The following AP1S3 variants were observed in gnomAD, a reference collection of about 807,000 sequenced individuals.
AP1S3 encodes the protein adaptor related protein complex 1 subunit sigma 3.
A neutral mutation model predicts 20.9 loss-of-function variants in AP1S3; 10 were observed. The ratio of observed to expected loss-of-function variants is 0.48; its 90% CI spans 0.29 to 0.81. The LOEUF (loss-of-function observed/expected upper bound fraction) is 0.81. Ranked by LOEUF, AP1S3 falls within the 30% of genes least tolerant of loss-of-function variation. The probability of loss-of-function intolerance (pLI) is 0.08; values close to 1 mark genes in which losing one functional copy is unlikely to be tolerated. For synonymous variants in AP1S3, 41 were observed against 61.5 expected (o/e 0.67, Z 1.56); for missense variants, 154 against 183.8 (o/e 0.84, Z 0.94).
chr2:223,795,213 C>T (rs1047343867), intron 1 of AP1S3, among the ~76,000 whole-genome samples: 1 of 152,138 alleles, frequency 6.6e-6, no homozygotes, highest in Non-Finnish European at 1.5e-5. Context: ...TGAGGCACTG[C>T]ACTCCAGCCT....
intron 1 of AP1S3, among the ~76,000 whole-genome samples, chr2:223,794,408 A>G (rs1353357043): frequency 6.6e-6 from 1 of 152,162 alleles, no homozygotes; most frequent in African/African-American, 2.4e-5. Context: ...AGACCCTCCT[A>G]TGGTTTTCTT....
chr2:223,816,971 A>G (rs1691857297), intron 1 of AP1S3, among the ~76,000 whole-genome samples: 1 of 152,110 alleles, frequency 6.6e-6, no homozygotes, highest in Non-Finnish European at 1.5e-5. Context: ...CTAAAAATAC[A>G]AACATTAGCT....
intron 1 of AP1S3, among the ~76,000 whole-genome samples, chr2:223,811,401 C>G (rs1416723250): frequency 6.6e-6 from 1 of 151,936 alleles, no homozygotes; most frequent in Admixed American, 6.6e-5. Flanking sequence ...AACCCCTTCT[C>G]TACTAAAAAT....
chr2:223,812,773 C>T lies in AP1S3; in HGVS notation c.3+24675G>A, dbSNP rs559514322. Among the ~76,000 whole-genome samples, 102 of 152,256 alleles carry T rather than the reference C, an allele frequency of 6.7e-4. 1 individual carries two copies. Among genetic ancestry groups the T allele is most frequent in the Non-Finnish European group, 1.2e-3 (84 of 68,020 alleles). On this transcript the variant is annotated intron_variant, in intron 1 of 4. Coordinates refer to ENST00000396654, the MANE Select transcript of AP1S3 (RefSeq NM_001039569.2). ...AAACCACTGCCTTTGAGTGCCACAT[C>T]TTCCTGTTCAGTAGTAGAGGGAGAG...
chr2:223,823,340 TAAA>T (rs1219408896), intron 1 of AP1S3, among the ~76,000 whole-genome samples: 1 of 152,190 alleles, frequency 6.6e-6, no homozygotes, highest in Non-Finnish European at 1.5e-5. Flanking sequence ...AGAATCAACC[TAAA>T]TGTCCGTCAG....
rs1411038455 is a variant in AP1S3, at chr2:223,780,345, A to T, written c.4-2476T>A. On this transcript the variant is annotated intron_variant, in intron 1 of 4. Coordinates refer to ENST00000396654, the MANE Select transcript of AP1S3 (RefSeq NM_001039569.2). ...GAGAGAGAGAGAGAGAGAGAGAGAG[A>T]GAGAGAGAGAGAGTGTGTGTGTGTG... Among the ~76,000 whole-genome samples, 635 of 105,458 alleles carry T rather than the reference A, an allele frequency of 6.0e-3. 2 individuals are homozygous for T. Among genetic ancestry groups the T allele is most frequent in the East Asian group, 0.016 (49 of 3,112 alleles). The allele number at this position is 105,458 out of a possible 152,430, so 69.2% of individuals were successfully genotyped here. A position where few individuals can be genotyped will look rare whatever the true frequency, so the allele number is the denominator to read the frequency against.
chr2:223,835,073 C>CATAAT (rs1559150657), intron 1 of AP1S3, among the ~76,000 whole-genome samples: 1 of 70,024 alleles, frequency 1.4e-5, no homozygotes, highest in African/African-American at 5.3e-5. Flanking sequence ...ATAGTTTTGA[C>CATAAT]CTTGCAGACC....
Position 223,780,349 on chromosome 2 carries a change from A to AGTGTGTGT in AP1S3, c.4-2481_4-2480insACACACAC, listed in dbSNP as rs1298235522. The stretch of plus-strand genomic sequence containing the variant: ...GAGAGAGAGAGAGAGAGAGAGAGAG[A>AGTGTGTGT]GAGAGAGAGTGTGTGTGTGTGTGTG... On this transcript the variant is annotated intron_variant, in intron 1 of 4. Transcript: ENST00000396654. 1.4e-3 allele frequency among the ~76,000 whole-genome samples: 97 copies of AGTGTGTGT among 69,776 alleles called. 1 individual carries two copies. The highest frequency in any genetic ancestry group is 2.1e-3 in the Non-Finnish European group (81 of 39,298). 45.8% of individuals were successfully genotyped at this position (69,776 alleles called of 152,430 possible).
chr2:223,837,487 A>G lies in AP1S3; in HGVS notation c.-37T>C, dbSNP rs1692435088. 2 of 1,276,220 alleles carry G rather than the reference A, an allele frequency of 1.6e-6. No individual in the cohort carries two copies. The highest frequency in any genetic ancestry group is 2.7e-5 in the South Asian group (1 of 37,016). 79.1% of individuals were successfully genotyped at this position (1,276,220 alleles called of 1,614,324 possible). On this transcript the variant is annotated 5_prime_UTR_variant, in exon 1 of 5. Transcript: ENST00000396654. ...CGCCGCCTCCCCCGCCTTGCGAGCA[A>G]GGAGCGCTGGAGAAGCGAGGGCGAG... is the stretch of plus-strand genomic sequence containing the variant.
intron 1 of AP1S3, among the ~76,000 whole-genome samples, chr2:223,836,161 A>C (rs989294755): frequency 6.6e-6 from 1 of 151,240 alleles, no homozygotes; most frequent in African/African-American, 2.4e-5. Context: ...TGGCCCACCC[A>C]CTCCTGCCTC....
rs559026928 is a variant in AP1S3, at chr2:223,817,106, C to T, written c.3+20342G>A. On this transcript the variant is annotated intron_variant, in intron 1 of 4. Transcript: ENST00000396654. Reference sequence around the variant, plus strand: ...TGCCACTGCACTCCAGCCTCGACAACAAAGCGAGACAACTCTGTCTCAATA... The same window carrying T: ...TGCCACTGCACTCCAGCCTCGACAATAAAGCGAGACAACTCTGTCTCAATA... Among the ~76,000 whole-genome samples the T allele has an allele frequency of 1.4e-4, 21 of 152,038 alleles. No homozygotes were observed. In the South Asian group the frequency reaches 2.7e-3, roughly 20 times the overall value.
chr2:223,823,344 T>C (rs1692037151), intron 1 of AP1S3, among the ~76,000 whole-genome samples: 1 of 152,186 alleles, frequency 6.6e-6, no homozygotes, highest in Non-Finnish European at 1.5e-5. Context: ...TCAACCTAAA[T>C]GTCCGTCAGT....
Position 223,757,803 on chromosome 2 carries a change from A to C in AP1S3, c.*912T>G. The C allele has an allele frequency of 1.0e-6, 1 of 985,352 alleles. No homozygotes were observed. The highest frequency in any genetic ancestry group is 1.2e-6 in the Non-Finnish European group (1 of 829,846). 61.0% of individuals were successfully genotyped at this position (985,352 alleles called of 1,614,324 possible). On this transcript the variant is annotated 3_prime_UTR_variant, in exon 5 of 5. Coordinates refer to ENST00000396654, the MANE Select transcript of AP1S3 (RefSeq NM_001039569.2). ...AAATGCTCTAAGTAAGCCATGTAAT[A>C]AGTCTTCAAATGCATTAGAGATACA...
At chr2:223,810,588 C>T (rs1480756222) in intron 1 of AP1S3, among the ~76,000 whole-genome samples, 2 of 152,338 alleles carry the variant, frequency 1.3e-5, no homozygotes, top group East Asian at 1.9e-4. Flanking sequence ...AGATTACAGG[C>T]GTGAGCCTCA....
rs145329773 is a variant in AP1S3 at position 223,796,321 on chromosome 2, A to G, written c.4-18452T>C. Among the ~76,000 whole-genome samples, 8 of 152,308 alleles carry G rather than the reference A, an allele frequency of 5.3e-5. No individual in the cohort carries two copies. In the East Asian group the frequency reaches 1.5e-3, roughly 29 times the overall value. On this transcript the variant is annotated intron_variant, in intron 1 of 4. Coordinates refer to ENST00000396654, the MANE Select transcript of AP1S3 (RefSeq NM_001039569.2). ...CTACCCCATTATTTATTTCACTAAC[A>G]GTTTCCATGTTCTGATGGGAAGAGC...
intron 1 of AP1S3, among the ~76,000 whole-genome samples, chr2:223,796,753 T>C (rs1451292218): frequency 6.6e-6 from 1 of 152,168 alleles, no homozygotes; most frequent in African/African-American, 2.4e-5. Context: ...ATCCTCCACG[T>C]CCTAGGTTCA....
rs1260163955 is a variant in AP1S3 at position 223,755,528 on chromosome 2, C to A, written c.*3187G>T. ...CCATATAGATATGTTTACTTACTTTCATTTTTTTTTTTTTTTTTTTGAGAC... is the reference window on the plus strand; with the variant it reads ...CCATATAGATATGTTTACTTACTTTAATTTTTTTTTTTTTTTTTTTGAGAC... On this transcript the variant is annotated 3_prime_UTR_variant, in exon 5 of 5. Coordinates refer to ENST00000396654, the MANE Select transcript of AP1S3 (RefSeq NM_001039569.2). 1.2e-5 allele frequency among the ~76,000 whole-genome samples: 1 copy of A among 80,978 alleles called. No homozygotes were observed. 53.1% of individuals were successfully genotyped at this position (80,978 alleles called of 152,430 possible).
intron 1 of AP1S3, among the ~76,000 whole-genome samples, chr2:223,822,984 A>G (rs76129350): frequency 0.091 from 13,820 of 152,110 alleles, 788 homozygotes; most frequent in South Asian, 0.19. Context: ...GTATATGGGG[A>G]AAAAAATGCT....
intron 1 of AP1S3, among the ~76,000 whole-genome samples, chr2:223,820,462 T>C (rs1054101933): frequency 2.0e-5 from 3 of 152,048 alleles, no homozygotes. Context: ...TCATCTTATA[T>C]ATAAGAAAAT....
Sources: gnomAD v4.1 joint callset for allele counts (sites outside exome capture counted in the v4.1 genomes callset) on GRCh38, gnomAD v4.1.1 for gene constraint, MANE v1.5 for transcripts, NCBI Gene and HGNC (gene_info 2026-07-23, HGNC 2026-07-21) for gene names.